GPC3: variants seen among roughly 807,000 people sequenced by gnomAD.
GPC3 encodes the protein glypican 3, also known as glypican-3.
Under a neutral mutation model 34.4 loss-of-function variants are expected in GPC3, and 3 were observed. The observed-to-expected ratio is 0.09, with a 90% CI of 0.04 to 0.23. The LOEUF (loss-of-function observed/expected upper bound fraction) is 0.23, where lower values mean the gene tolerates loss of function less well. Ranked by LOEUF, GPC3 falls within the 10% of genes least tolerant of loss-of-function variation. The probability of loss-of-function intolerance (pLI) is 1.00; values close to 1 mark genes in which losing one functional copy is unlikely to be tolerated. For missense variants in GPC3, 351 were observed against 445.6 expected, an observed-to-expected ratio of 0.79 and a Z score of 1.91; for synonymous variants, 177 against 174.0, an observed-to-expected ratio of 1.02 and a Z score of -0.13.
chrX:133,880,891 T>C (rs773113130), intron 2 of GPC3, among the ~76,000 whole-genome samples: 3 of 112,106 alleles, frequency 2.7e-5, no homozygotes, highest in Non-Finnish European at 5.6e-5. Flanking sequence ...ATATCAGCTT[T>C]CCAGCTCTGT....
chrX:133,886,324 C>T (rs1424200707), intron 2 of GPC3, among the ~76,000 whole-genome samples: 1 of 92,144 alleles, frequency 1.1e-5, no homozygotes, highest in Non-Finnish European at 2.1e-5. Flanking sequence ...GCCTGAGCAA[C>T]ATAGTGAGAC....
chrX:133,903,307 C>T (rs1383703501), intron 2 of GPC3, among the ~76,000 whole-genome samples: 4 of 111,519 alleles, frequency 3.6e-5, no homozygotes, highest in East Asian at 5.6e-4. Flanking sequence ...TTTTTATGGC[C>T]GGGCATGGTG....
chrX:133,818,369 C>T (rs1361302691), intron 2 of GPC3, among the ~76,000 whole-genome samples: 3 of 111,559 alleles, frequency 2.7e-5, no homozygotes, highest in Non-Finnish European at 5.7e-5. Context: ...TTTAAAATTA[C>T]GACATCCAAA....
At chrX:133,734,718 ATCTC>A (rs113935655) in intron 3 of GPC3, among the ~76,000 whole-genome samples, 11 of 107,702 alleles carry the variant, frequency 1.0e-4, no homozygotes, top group African/African-American at 3.7e-4. Context: ...AAGACTGACA[ATCTC>A]TCTCTCTCTC....
chrX:133,945,368 G>A (rs1339682043), intron 2 of GPC3, among the ~76,000 whole-genome samples: 1 of 111,193 alleles, frequency 9.0e-6, no homozygotes. Context: ...TCCAGCCTGG[G>A]CAACAGAGCG....
chrX:133,698,609 C>T (rs961551067), intron 4 of GPC3, among the ~76,000 whole-genome samples: 2 of 111,942 alleles, frequency 1.8e-5, no homozygotes, highest in African/African-American at 3.2e-5. Flanking sequence ...CAATAGGGTT[C>T]CTTTGCAATT....
chrX:133,934,180 A>G (rs1008754580), intron 2 of GPC3, among the ~76,000 whole-genome samples: 1 of 102,160 alleles, frequency 9.8e-6, no homozygotes, highest in African/African-American at 3.6e-5. Flanking sequence ...TCCTTTATAA[A>G]TTTTATTTTT....
intron 2 of GPC3, chrX:133,762,799 T>G: frequency 6.2e-6 from 3 of 483,972 alleles, no homozygotes; most frequent in Non-Finnish European, 1.1e-5. Flanking sequence ...TTTCACAACG[T>G]CCGGAGCCCT....
chrX:133,624,479 A>T (rs536827244), intron 6 of GPC3, among the ~76,000 whole-genome samples: 2 of 111,831 alleles, frequency 1.8e-5, no homozygotes, highest in African/African-American at 6.5e-5. Context: ...AAAGGGGATA[A>T]CATCACCAAT....
At chrX:133,735,663 T>C (rs751113233) in intron 3 of GPC3, among the ~76,000 whole-genome samples, 20 of 111,001 alleles carry the variant, frequency 1.8e-4, no homozygotes, top group African/African-American at 5.6e-4. Flanking sequence ...TCCCAGAATA[T>C]AGGAGAAAAT....
intron 7 of GPC3, among the ~76,000 whole-genome samples, chrX:133,576,787 A>C (rs779496424): frequency 2.7e-5 from 3 of 109,949 alleles, no homozygotes; most frequent in Non-Finnish European, 5.7e-5. Context: ...TGGATAGCTG[A>C]AGCCATCAAG....
At chrX:133,847,549 T>C (rs1400450677) in intron 2 of GPC3, among the ~76,000 whole-genome samples, 1 of 112,238 alleles carries the variant, frequency 8.9e-6, no homozygotes, top group Non-Finnish European at 1.9e-5. Flanking sequence ...TTGCCTTTTT[T>C]CCATGACAGC....
chrX:133,813,743 T>TG (rs1480854111), intron 2 of GPC3, among the ~76,000 whole-genome samples: 2 of 112,236 alleles, frequency 1.8e-5, no homozygotes, highest in African/African-American at 3.2e-5. Context: ...GACAGCCCTC[T>TG]GGTTAGTTAA....
chrX:133,646,244 T>A (rs1444412170), intron 6 of GPC3, among the ~76,000 whole-genome samples: 1 of 111,115 alleles, frequency 9.0e-6, no homozygotes, highest in Non-Finnish European at 1.9e-5. Flanking sequence ...TAGACAGAAT[T>A]GTACAAAGAA....
chrX:133,576,490 T>C (rs1392003876), intron 7 of GPC3, among the ~76,000 whole-genome samples: 1 of 110,894 alleles, frequency 9.0e-6, no homozygotes, highest in African/African-American at 3.3e-5. Context: ...TCCACCCGCC[T>C]CAGCCTCCCA....
intron 6 of GPC3, among the ~76,000 whole-genome samples, chrX:133,633,230 T>C (rs1391029342): frequency 1.8e-5 from 2 of 112,434 alleles, no homozygotes; most frequent in African/African-American, 3.2e-5. Context: ...TAGTTGGTTT[T>C]ATGTAAACTG....
chrX:133,908,987 C>T (rs1373037741), intron 2 of GPC3, among the ~76,000 whole-genome samples: 1 of 111,904 alleles, frequency 8.9e-6, no homozygotes, highest in Non-Finnish European at 1.9e-5. Flanking sequence ...TGAACTACGC[C>T]ACCCAGCTTT....
chrX:133,811,486 T>C (rs768237218), intron 2 of GPC3, among the ~76,000 whole-genome samples: 2 of 111,993 alleles, frequency 1.8e-5, no homozygotes, highest in African/African-American at 6.5e-5. Context: ...GTTTTTTGCT[T>C]GTTTTCTGTT....
chrX:133,544,670 T>C (rs111254541), intron 7 of GPC3, among the ~76,000 whole-genome samples: 5,982 of 111,348 alleles, frequency 0.054, 422 homozygotes, highest in African/African-American at 0.19. Context: ...GGACCACAGG[T>C]GTGTGCCACC....
Sources: allele counts gnomAD v4.1 joint callset (sites outside exome capture counted in the v4.1 genomes callset), GRCh38; gene constraint gnomAD v4.1.1; transcripts MANE v1.5; gene names NCBI Gene and HGNC (gene_info 2026-07-23, HGNC 2026-07-21).